The following MARCHF1 variants were observed in gnomAD, a reference collection of about 807,000 sequenced individuals.
MARCHF1 encodes the protein membrane associated ring-CH-type finger 1.
In MARCHF1, 40 loss-of-function variants were observed where a neutral mutation model predicts 54.2. The ratio of observed to expected loss-of-function variants is 0.74; its 90% CI spans 0.57 to 0.96. The LOEUF (loss-of-function observed/expected upper bound fraction) is 0.96, where lower values mean the gene tolerates loss of function less well. Ranked by LOEUF, MARCHF1 falls within the 40% of genes least tolerant of loss-of-function variation. The pLI, the probability that MARCHF1 is intolerant of heterozygous loss-of-function variation, is 0.00. For synonymous variants in MARCHF1, 236 were observed against 236.3 expected (o/e 1.00, Z 0.01); for missense variants, 586 against 656.5 (o/e 0.89, Z 1.17).
At chr4:164,140,154 G>A (rs1012961590) in intron 1 of MARCHF1, among the ~76,000 whole-genome samples, 2 of 150,070 alleles carry the variant, frequency 1.3e-5, no homozygotes, top group African/African-American at 4.9e-5. Flanking sequence ...AAGATACATA[G>A]GCACACACAC....
chr4:163,573,592 T>C (rs1739922637), intron 8 of MARCHF1, among the ~76,000 whole-genome samples: 1 of 151,698 alleles, frequency 6.6e-6, no homozygotes, highest in Non-Finnish European at 1.5e-5. Flanking sequence ...GATAGTTTAC[T>C]GAGAATGATG....
At chr4:164,109,933 A>AAAAAAAAAAAAAAT (rs1755798807) in intron 2 of MARCHF1, among the ~76,000 whole-genome samples, 4 of 149,980 alleles carry the variant, frequency 2.7e-5, no homozygotes, top group Admixed American at 1.3e-4. Flanking sequence ...AAAAAAAAAA[A>AAAAAAAAAAAAAAT]AAAGAAAATG....
chr4:164,367,829 AG>A, intron 1 of MARCHF1, among the ~76,000 whole-genome samples: 1 of 152,064 alleles, frequency 6.6e-6, no homozygotes, highest in Non-Finnish European at 1.5e-5. Flanking sequence ...CAGTGCAGGA[AG>A]GTGTAAATTA....
In MARCHF1 at chr4:163,681,008, C is replaced by G. The variant is rs577048002; in HGVS notation, c.162+19805G>C. On this transcript the variant is annotated intron_variant, in intron 5 of 9. Coordinates refer to ENST00000514618, the MANE Select transcript of MARCHF1 (RefSeq NM_001394959.1). ...TATGTAATACATTATGTAATATTAA[C>G]ATATTTAATAAATATATTAAATATT... Among the ~76,000 whole-genome samples, 434 of 148,992 alleles carry G rather than the reference C, an allele frequency of 2.9e-3. 2 individuals carry two copies. The highest frequency in any genetic ancestry group is 9.9e-3 in the African/African-American group (404 of 40,712).
chr4:163,765,436 C>T (rs1372050134), intron 4 of MARCHF1, among the ~76,000 whole-genome samples: 1 of 152,066 alleles, frequency 6.6e-6, no homozygotes, highest in Non-Finnish European at 1.5e-5. Context: ...AACAAAACCA[C>T]CAACCAATAC....
intron 1 of MARCHF1, among the ~76,000 whole-genome samples, chr4:164,200,463 C>G (rs1289513930): frequency 6.6e-6 from 1 of 152,088 alleles, no homozygotes; most frequent in Non-Finnish European, 1.5e-5. Context: ...GCACATAAGT[C>G]TTGTATAACT....
At chr4:164,199,697 G>C (rs951385450) in intron 1 of MARCHF1, among the ~76,000 whole-genome samples, 18 of 150,354 alleles carry the variant, frequency 1.2e-4, no homozygotes, top group African/African-American at 4.2e-4. Flanking sequence ...GAGAGAGAGA[G>C]AGAGAGAGAG....
chr4:164,241,824 G>C (rs947198115), intron 1 of MARCHF1, among the ~76,000 whole-genome samples: 1 of 152,238 alleles, frequency 6.6e-6, no homozygotes, highest in Non-Finnish European at 1.5e-5. Context: ...GGAAGCACAA[G>C]AGGTCAGGGA....
chr4:164,114,857 A>T (rs1174381332), intron 1 of MARCHF1, among the ~76,000 whole-genome samples: 3 of 151,724 alleles, frequency 2.0e-5, no homozygotes, highest in African/African-American at 7.2e-5. Flanking sequence ...AGCAGAATAT[A>T]GTACAAATCG....
chr4:164,316,249 T>C (rs1215316710), intron 1 of MARCHF1, among the ~76,000 whole-genome samples: 1 of 152,142 alleles, frequency 6.6e-6, no homozygotes, highest in Non-Finnish European at 1.5e-5. Flanking sequence ...TAGCATGACA[T>C]GTCAAAAGTA....
chr4:163,922,595 G>A (rs934762341), intron 3 of MARCHF1, among the ~76,000 whole-genome samples: 1 of 152,106 alleles, frequency 6.6e-6, no homozygotes, highest in Non-Finnish European at 1.5e-5. Context: ...AATTCTGTGA[G>A]CAATTTGATT....
chr4:164,075,372 A>G (rs951681025), intron 2 of MARCHF1, among the ~76,000 whole-genome samples: 2 of 152,206 alleles, frequency 1.3e-5, no homozygotes, highest in African/African-American at 4.8e-5. Context: ...GTTGTAAACA[A>G]TATCTTGAAG....
chr4:164,071,585 A>G (rs1187852742), intron 2 of MARCHF1, among the ~76,000 whole-genome samples: 1 of 152,220 alleles, frequency 6.6e-6, no homozygotes, highest in Admixed American at 6.5e-5. Flanking sequence ...ATAGTCATAA[A>G]GAAAACATAA....
chr4:163,575,812 G>T (rs1025933247), intron 8 of MARCHF1, among the ~76,000 whole-genome samples: 1 of 151,794 alleles, frequency 6.6e-6, no homozygotes, highest in African/African-American at 2.4e-5. Context: ...TTTACCTCTA[G>T]ATTTTCTAGT....
intron 5 of MARCHF1, among the ~76,000 whole-genome samples, chr4:163,663,896 A>T (rs1743436238): frequency 6.6e-6 from 1 of 152,012 alleles, no homozygotes; most frequent in African/African-American, 2.4e-5. Context: ...TTGAGCTATT[A>T]ACACAGTTAT....
chr4:163,570,856 C>T (rs1739818744), intron 8 of MARCHF1, among the ~76,000 whole-genome samples: 1 of 152,020 alleles, frequency 6.6e-6, no homozygotes, highest in Admixed American at 6.6e-5. Flanking sequence ...CAGACCTCAC[C>T]ACTCCTTACC....
At chr4:163,956,678 T>C (rs1389594486) in intron 3 of MARCHF1, among the ~76,000 whole-genome samples, 2 of 152,120 alleles carry the variant, frequency 1.3e-5, no homozygotes, top group Non-Finnish European at 2.9e-5. Flanking sequence ...ACACAGTTTA[T>C]GTGTTGAGAT....
intron 7 of MARCHF1, among the ~76,000 whole-genome samples, chr4:163,610,601 A>T (rs994234495): frequency 6.6e-6 from 1 of 152,096 alleles, no homozygotes; most frequent in Non-Finnish European, 1.5e-5. Context: ...AGATGGTTGC[A>T]AGTGGGAAAT....
In MARCHF1 at chr4:163,911,268, A is replaced by C. The variant is rs189317642; in HGVS notation, c.-38-57099T>G. Among the ~76,000 whole-genome samples, 270 of 152,292 alleles carry C rather than the reference A, an allele frequency of 1.8e-3. 3 individuals are homozygous for C. The highest frequency in any genetic ancestry group is 0.018 in the Admixed American group (268 of 15,286). ...ATTTGATTGGTGGGTTTGGAAGAAGAAACTGCACATACATGGTATTGCATC... is the reference window on the plus strand; with the variant it reads ...ATTTGATTGGTGGGTTTGGAAGAAGCAACTGCACATACATGGTATTGCATC... On this transcript the variant is annotated intron_variant, in intron 3 of 9. Coordinates refer to ENST00000514618, the MANE Select transcript of MARCHF1 (RefSeq NM_001394959.1).
Sources: allele counts gnomAD v4.1 joint callset (sites outside exome capture counted in the v4.1 genomes callset), GRCh38; gene constraint gnomAD v4.1.1; transcripts MANE v1.5; gene names NCBI Gene and HGNC (gene_info 2026-07-23, HGNC 2026-07-21).